The following CTDSPL variants were observed in gnomAD, a reference collection of about 807,000 sequenced individuals.
The protein encoded by CTDSPL is CTD small phosphatase like.
Under a neutral mutation model 30.5 loss-of-function variants are expected in CTDSPL, and 8 were observed. The ratio of observed to expected loss-of-function variants is 0.26; its 90% CI spans 0.15 to 0.47. CTDSPL has a LOEUF of 0.47. Among genes scored for constraint, CTDSPL ranks in the 20% least tolerant of loss-of-function variants. CTDSPL has a pLI of 0.99. For synonymous variants in CTDSPL, 110 were observed against 137.9 expected, an observed-to-expected ratio of 0.80 and a Z score of 1.42; for missense variants, 248 against 366.1, an observed-to-expected ratio of 0.68 and a Z score of 2.63.
intron 1 of CTDSPL, among the ~76,000 whole-genome samples, chr3:37,873,019 T>C (rs1293699566): frequency 6.6e-6 from 1 of 152,038 alleles, no homozygotes; most frequent in African/African-American, 2.4e-5. Flanking sequence ...ACCACCTCAA[T>C]GGGAAGGGGA....
At chr3:37,868,515 C>T (rs553280779) in intron 1 of CTDSPL, among the ~76,000 whole-genome samples, 11 of 151,986 alleles carry the variant, frequency 7.2e-5, no homozygotes, top group Non-Finnish European at 1.3e-4. Context: ...TTTTCTCCTA[C>T]GCTTTTTCCA....
Position 37,956,272 on chromosome 3 carries a change from A to G in CTDSPL, c.235-839A>G, listed in dbSNP as rs182207862. Among the ~76,000 whole-genome samples the G allele has an allele frequency of 3.7e-4, 56 of 152,342 alleles. 1 individual carries two copies. The highest frequency in any genetic ancestry group is 3.4e-3 in the Middle Eastern group (1 of 294). Reference sequence around the variant, plus strand: ...TGGCCCCTTCACGTGAGACCTCATTATCACTGTAACCCTCTTAATAAAAAT... The same window carrying G: ...TGGCCCCTTCACGTGAGACCTCATTGTCACTGTAACCCTCTTAATAAAAAT... On this transcript the variant is annotated intron_variant, in intron 2 of 7. Transcript: ENST00000273179.
Position 37,976,741 on chromosome 3 carries a change from T to C in CTDSPL, c.705+847T>C, listed in dbSNP as rs141232735. Among the ~76,000 whole-genome samples the C allele has an allele frequency of 6.6e-5, 10 of 152,044 alleles. No homozygotes were observed. The East Asian group carries it at 1.9e-3, about 29-fold the overall frequency. On this transcript the variant is annotated intron_variant, in intron 7 of 7. Transcript: ENST00000273179. ...AAAGCACCCATTGGGAACATTTCAT[T>C]CATAAAGCTCCCTGGACCATGGCAG...
intron 1 of CTDSPL, among the ~76,000 whole-genome samples, chr3:37,874,383 T>G (rs1698109857): frequency 6.6e-6 from 1 of 152,172 alleles, no homozygotes; most frequent in Non-Finnish European, 1.5e-5. Flanking sequence ...GCTGTTCAGC[T>G]AGGAGTTGGC....
intron 1 of CTDSPL, among the ~76,000 whole-genome samples, chr3:37,903,081 G>A (rs912672270): frequency 2.6e-4 from 39 of 152,168 alleles, no homozygotes; most frequent in Non-Finnish European, 1.2e-4. Context: ...CTCATTATCT[G>A]GCAGCTAGAG....
chr3:37,927,013 G>T (rs758957760), intron 1 of CTDSPL, among the ~76,000 whole-genome samples: 1 of 152,168 alleles, frequency 6.6e-6, no homozygotes, highest in Admixed American at 6.5e-5. Flanking sequence ...TCACATCTTG[G>T]CCAGTAAAAT....
intron 1 of CTDSPL, among the ~76,000 whole-genome samples, chr3:37,913,073 C>T (rs981074892): frequency 5.9e-5 from 9 of 152,152 alleles, no homozygotes; most frequent in African/African-American, 1.7e-4. Flanking sequence ...GTAATTCCAG[C>T]GCTTTGGGAG....
intron 1 of CTDSPL, among the ~76,000 whole-genome samples, chr3:37,941,429 T>G (rs1398921888): frequency 6.7e-6 from 1 of 148,860 alleles, no homozygotes; most frequent in Non-Finnish European, 1.5e-5. Flanking sequence ...CTTTTTTTTT[T>G]TTTTGAGACA....
intron 1 of CTDSPL, among the ~76,000 whole-genome samples, chr3:37,937,671 T>C (rs1056853865): frequency 6.6e-6 from 1 of 150,404 alleles, no homozygotes; most frequent in Admixed American, 6.7e-5. Context: ...GGATTCTTGA[T>C]GAAGACAAGC....
chr3:37,953,535 GACATA>G (rs1226767894), intron 2 of CTDSPL, among the ~76,000 whole-genome samples: 3 of 152,150 alleles, frequency 2.0e-5, no homozygotes, highest in Non-Finnish European at 4.4e-5. Context: ...GACAGTTTCT[GACATA>G]ACATATACAG....
intron 6 of CTDSPL, among the ~76,000 whole-genome samples, chr3:37,974,139 G>C (rs951012197): frequency 6.6e-6 from 1 of 152,206 alleles, no homozygotes; most frequent in Non-Finnish European, 1.5e-5. Flanking sequence ...CAGGGAAGCC[G>C]AAAGATGGGA....
At chr3:37,960,056 T>A (rs1325120665) in intron 3 of CTDSPL, among the ~76,000 whole-genome samples, 1 of 151,560 alleles carries the variant, frequency 6.6e-6, no homozygotes, top group Non-Finnish European at 1.5e-5. Context: ...ATACACAAAA[T>A]TAACTGGGCA....
chr3:37,967,864 C>A lies in CTDSPL; in HGVS notation c.408C>A (p.Ile136=), dbSNP rs571698578. The change falls in exon 5 of 8, where the codon ATC becomes ATA. Residue 136 remains isoleucine, a synonymous_variant. Coordinates refer to ENST00000273179, the MANE Select transcript of CTDSPL (RefSeq NM_001008392.2). ...CTGATTTTATTGTTCCGGTTGAAATCGATGGAACTATACATCAGGTAAGAA... is the reference window on the plus strand; with the variant it reads ...CTGATTTTATTGTTCCGGTTGAAATAGATGGAACTATACATCAGGTAAGAA... ...SNADFIVPVE[I]DGTIHQVYVL... is the part of the protein sequence containing the mutation. 4.7e-5 allele frequency: 76 copies of A among 1,600,106 alleles called. No individual in the cohort carries two copies. The East Asian group carries it at 8.5e-4, about 18-fold the overall frequency.
intron 1 of CTDSPL, among the ~76,000 whole-genome samples, chr3:37,943,934 A>T (rs66867491): frequency 0.12 from 18,064 of 150,122 alleles, 2,726 homozygotes; most frequent in African/African-American, 0.32. Flanking sequence ...GGGTATGTTC[A>T]TTCTTGTTGA....
At chr3:37,908,549 G>A (rs1559630548) in intron 1 of CTDSPL, among the ~76,000 whole-genome samples, 1 of 152,140 alleles carries the variant, frequency 6.6e-6, no homozygotes, top group Non-Finnish European at 1.5e-5. Context: ...TGACATTTAG[G>A]CTGCTTTCTG....
intron 3 of CTDSPL, among the ~76,000 whole-genome samples, chr3:37,957,911 A>G (rs137945065): frequency 2.6e-4 from 39 of 152,358 alleles, no homozygotes; most frequent in Admixed American, 3.9e-4. Flanking sequence ...AGAAATTTAC[A>G]GTTGAGATGC....
intron 3 of CTDSPL, among the ~76,000 whole-genome samples, chr3:37,959,234 C>T (rs557212773): frequency 2.0e-5 from 3 of 152,252 alleles, no homozygotes; most frequent in South Asian, 2.1e-4. Flanking sequence ...TTTTTTCATT[C>T]GCATGTTGCT....
chr3:37,931,145 CTTT>C (rs35669035), intron 1 of CTDSPL, among the ~76,000 whole-genome samples: 2 of 139,306 alleles, frequency 1.4e-5, no homozygotes, highest in Admixed American at 7.2e-5. Context: ...TCCTCTTTGT[CTTT>C]TTTTTTTTTT....
chr3:37,975,160 T>C lies in CTDSPL; in HGVS notation c.520-549T>C, dbSNP rs1213726758. ...TGCAGAGGGAACACTGGTACAAAGGTCCTGACCATACTCAAAGCCAGTGTG... is the reference window on the plus strand; with the variant it reads ...TGCAGAGGGAACACTGGTACAAAGGCCCTGACCATACTCAAAGCCAGTGTG... On this transcript the variant is annotated intron_variant, in intron 6 of 7. Transcript: ENST00000273179. This position sits in a 1 kb window ranked among gnomAD's most constrained non-coding sequence, Gnocchi z 4.9. 1.3e-5 allele frequency among the ~76,000 whole-genome samples: 2 copies of C among 152,172 alleles called. No homozygotes were observed. Among genetic ancestry groups the C allele is most frequent in the Non-Finnish European group, 2.9e-5 (2 of 68,026 alleles).
Sources: gnomAD v4.1 joint callset for allele counts (sites outside exome capture counted in the v4.1 genomes callset) on GRCh38, gnomAD v4.1.1 for gene constraint, Gnocchi (gnomAD v3.1) non-coding constraint, MANE v1.5 for transcripts, NCBI Gene and HGNC (gene_info 2026-07-23, HGNC 2026-07-21) for gene names.